ZBTB20: variants seen among roughly 807,000 people sequenced by gnomAD.
The protein encoded by ZBTB20 is zinc finger and BTB domain-containing protein 20.
In ZBTB20, 9 loss-of-function variants were observed where a neutral mutation model predicts 56.9. The ratio of observed to expected loss-of-function variants is 0.16; its 90% CI spans 0.10 to 0.28. The LOEUF is 0.28. ZBTB20 is among the 10% of genes least tolerant of loss of function. The pLI is 1.00. For missense variants in ZBTB20, 655 were observed against 1,003.0 expected, an observed-to-expected ratio of 0.65 and a Z score of 4.69; for synonymous variants, 417 against 420.7, an observed-to-expected ratio of 0.99 and a Z score of 0.11.
At chr3:114,549,715 C>T (rs2050317757) in intron 6 of ZBTB20, among the ~76,000 whole-genome samples, 1 of 150,632 alleles carries the variant, frequency 6.6e-6, no homozygotes, top group Admixed American at 6.6e-5. Context: ...AAGCTATGGG[C>T]AGAGTTGATT....
chr3:114,510,010 A>G (rs930554679), intron 6 of ZBTB20, among the ~76,000 whole-genome samples: 2 of 152,154 alleles, frequency 1.3e-5, no homozygotes, highest in African/African-American at 4.8e-5. Flanking sequence ...AACGAATCTC[A>G]GCAGGCAGGG....
intron 6 of ZBTB20, among the ~76,000 whole-genome samples, chr3:114,655,543 C>G (rs1009037851): frequency 6.6e-6 from 1 of 152,260 alleles, no homozygotes; most frequent in African/African-American, 2.4e-5. Flanking sequence ...TGAGCCACCG[C>G]GCCCGGCCTT....
intron 7 of ZBTB20, among the ~76,000 whole-genome samples, chr3:114,450,757 A>G (rs1265242847): frequency 2.6e-5 from 4 of 152,184 alleles, no homozygotes; most frequent in Non-Finnish European, 5.9e-5. Context: ...AACTAAAATC[A>G]GAACTCTCTA....
chr3:114,678,978 T>C (rs913447734), intron 6 of ZBTB20, among the ~76,000 whole-genome samples: 4 of 152,160 alleles, frequency 2.6e-5, no homozygotes, highest in Non-Finnish European at 5.9e-5. Flanking sequence ...GGGCATATCA[T>C]GCATTGAGGT....
chr3:114,621,699 A>G (rs2058331766), intron 6 of ZBTB20, among the ~76,000 whole-genome samples: 1 of 152,222 alleles, frequency 6.6e-6, no homozygotes, highest in Non-Finnish European at 1.5e-5. Context: ...AAGAAAATAC[A>G]CATTTCACAA....
At chr3:115,037,152 C>G (rs1208526027) in intron 2 of ZBTB20, among the ~76,000 whole-genome samples, 1 of 152,102 alleles carries the variant, frequency 6.6e-6, no homozygotes, top group African/African-American at 2.4e-5. Flanking sequence ...AATCGTTTTG[C>G]TTAACAATCT....
At chr3:114,529,924 A>AT (rs1187828477) in intron 6 of ZBTB20, among the ~76,000 whole-genome samples, 3 of 151,968 alleles carry the variant, frequency 2.0e-5, no homozygotes, top group East Asian at 1.9e-4. Context: ...AGGAAGTCCT[A>AT]TTTTTTTTCA....
intron 6 of ZBTB20, among the ~76,000 whole-genome samples, chr3:114,519,459 T>C (rs1269781020): frequency 6.6e-6 from 1 of 151,766 alleles, no homozygotes; most frequent in Non-Finnish European, 1.5e-5. Context: ...CCCAGTAATG[T>C]GCCTTTAGAG....
At chr3:114,742,313 C>G (rs553508046) in intron 5 of ZBTB20, among the ~76,000 whole-genome samples, 1 of 151,974 alleles carries the variant, frequency 6.6e-6, no homozygotes, top group African/African-American at 2.4e-5. Flanking sequence ...GAAGTAAGAA[C>G]GGCAAAAATG....
chr3:115,076,002 A>C (rs1228960028), intron 1 of ZBTB20, among the ~76,000 whole-genome samples: 3 of 152,180 alleles, frequency 2.0e-5, no homozygotes, highest in East Asian at 1.9e-4. Flanking sequence ...TCTGAAAAAA[A>C]ATTGGAAAAA....
rs1169516858 is a variant in ZBTB20 at position 114,324,936 on chromosome 3, G to C, written c.*14069C>G. On this transcript the variant is annotated 3_prime_UTR_variant, in exon 12 of 12. Transcript: ENST00000675478. ...CTGTAAGTCTCAAGAGAATCAAAGT[G>C]TAGTTTAAAATAGATTGTGGGAAAG... 1 of 152,122 alleles carries C rather than the reference G, an allele frequency of 6.6e-6. No individual in the cohort carries two copies. The highest frequency in any genetic ancestry group is 1.5e-5 in the Non-Finnish European group (1 of 68,016). 9.4% of individuals were successfully genotyped at this position (152,122 alleles called of 1,614,324 possible). A position where few individuals can be genotyped will look rare whatever the true frequency, so the allele number is the denominator to read the frequency against.
At chr3:114,634,756 T>A (rs2059160327) in intron 6 of ZBTB20, among the ~76,000 whole-genome samples, 1 of 152,216 alleles carries the variant, frequency 6.6e-6, no homozygotes, top group Non-Finnish European at 1.5e-5. Context: ...CTGAGAGGAC[T>A]GCTTCAGCTC....
intron 2 of ZBTB20, among the ~76,000 whole-genome samples, chr3:114,975,052 G>C (rs528166917): frequency 3.9e-5 from 6 of 152,116 alleles, no homozygotes; most frequent in Non-Finnish European, 7.4e-5. Context: ...TAATAGTAGG[G>C]TCCTACCCAT....
intron 7 of ZBTB20, among the ~76,000 whole-genome samples, chr3:114,499,629 C>G (rs949756234): frequency 6.6e-6 from 1 of 152,108 alleles, no homozygotes; most frequent in Non-Finnish European, 1.5e-5. Context: ...GGCCTAGAAT[C>G]TTTTTCAAGC....
At chr3:114,813,212 C>T (rs919556926) in intron 4 of ZBTB20, among the ~76,000 whole-genome samples, 1 of 152,230 alleles carries the variant, frequency 6.6e-6, no homozygotes, top group Non-Finnish European at 1.5e-5. Context: ...ACGCTGTCAC[C>T]TCTTATAAGG....
At chr3:114,887,222 A>C (rs1450951055) in intron 4 of ZBTB20, among the ~76,000 whole-genome samples, 2 of 152,174 alleles carry the variant, frequency 1.3e-5, no homozygotes, top group African/African-American at 2.4e-5. Flanking sequence ...ATACTGCCAC[A>C]CTGGGGCTTA....
rs970708899 is a variant in ZBTB20 at position 114,631,262 on chromosome 3, T to C, written c.-295+62266A>G. Among the ~76,000 whole-genome samples, 3 of 151,854 alleles carry C rather than the reference T, an allele frequency of 2.0e-5. No individual in the cohort carries two copies. In the South Asian group the frequency reaches 6.2e-4, roughly 32 times the overall value. Reference sequence around the variant, plus strand: ...CCAAAAGCTTTGAGAGAGGTAAAAATTGCCTCGATTATCATTTTTCCTTTC... The same window carrying C: ...CCAAAAGCTTTGAGAGAGGTAAAAACTGCCTCGATTATCATTTTTCCTTTC... On this transcript the variant is annotated intron_variant, in intron 6 of 11. Coordinates refer to ENST00000675478, the MANE Select transcript of ZBTB20 (RefSeq NM_001348800.3).
At chr3:114,977,012 TA>T (rs200351052) in intron 2 of ZBTB20, among the ~76,000 whole-genome samples, 4,636 of 145,974 alleles carry the variant, frequency 0.032, 87 homozygotes, top group South Asian at 0.04. Flanking sequence ...TTTCCTAAAT[TA>T]AAAAAAAAAG....
intron 3 of ZBTB20, among the ~76,000 whole-genome samples, chr3:114,917,125 T>A (rs2075775200): frequency 6.6e-6 from 1 of 152,176 alleles, no homozygotes; most frequent in African/African-American, 2.4e-5. Context: ...TCACTAATTC[T>A]TTCTTCTGTT....
Sources: gnomAD v4.1 joint callset for allele counts (sites outside exome capture counted in the v4.1 genomes callset) on GRCh38, gnomAD v4.1.1 for gene constraint, MANE v1.5 for transcripts, NCBI Gene and HGNC (gene_info 2026-07-23, HGNC 2026-07-21) for gene names.